The following LSAMP variants were observed in gnomAD, a reference collection of about 807,000 sequenced individuals.
LSAMP encodes the protein limbic system associated membrane protein, also known as limbic system-associated membrane protein.
In LSAMP, 7 loss-of-function variants were observed where a neutral mutation model predicts 38.6. That is an observed-to-expected ratio of 0.18 (90% CI 0.10 to 0.34). The LOEUF is 0.34. Ranked by LOEUF, LSAMP falls within the 10% of genes least tolerant of loss-of-function variation. LSAMP has a pLI of 1.00. For synonymous variants in LSAMP, 154 were observed against 166.8 expected (o/e 0.92, Z 0.59); for missense variants, 313 against 420.0 (o/e 0.75, Z 2.23).
chr3:116,435,419 T>C (rs2049336553), intron 1 of LSAMP, among the ~76,000 whole-genome samples: 1 of 152,132 alleles, frequency 6.6e-6, no homozygotes, highest in African/African-American at 2.4e-5. Flanking sequence ...TGCCTCCCTA[T>C]GGGACTACCT....
intron 2 of LSAMP, among the ~76,000 whole-genome samples, chr3:116,022,472 A>G (rs1164995975): frequency 6.6e-6 from 1 of 152,130 alleles, no homozygotes; most frequent in African/African-American, 2.4e-5. Context: ...CTCACCAATT[A>G]TCATATTGTT....
At chr3:116,202,980 G>C (rs533744721) in intron 1 of LSAMP, among the ~76,000 whole-genome samples, 3 of 152,218 alleles carry the variant, frequency 2.0e-5, no homozygotes, top group Non-Finnish European at 4.4e-5. Flanking sequence ...TGATTTTTGT[G>C]TATTGATTTT....
intron 1 of LSAMP, among the ~76,000 whole-genome samples, chr3:116,113,448 T>C (rs13085601): frequency 1.2e-3 from 131 of 111,978 alleles, no homozygotes; most frequent in Non-Finnish European, 1.9e-3. Context: ...TTTTTTGAGA[T>C]GGAGTCTCGC....
chr3:116,323,079 C>A (rs1202473986), intron 1 of LSAMP, among the ~76,000 whole-genome samples: 1 of 152,090 alleles, frequency 6.6e-6, no homozygotes, highest in Non-Finnish European at 1.5e-5. Context: ...AAGACTAGAG[C>A]TCCATTATAA....
At chr3:116,390,293 C>A (rs1466429555) in intron 1 of LSAMP, among the ~76,000 whole-genome samples, 1 of 152,176 alleles carries the variant, frequency 6.6e-6, no homozygotes, top group Non-Finnish European at 1.5e-5. Context: ...ATATGTTTCA[C>A]TTTGGAGACT....
intron 2 of LSAMP, among the ~76,000 whole-genome samples, chr3:116,027,508 G>T (rs1940821352): frequency 6.6e-6 from 1 of 152,064 alleles, no homozygotes. Flanking sequence ...AATTTCTATT[G>T]CTTAAATCAA....
intron 3 of LSAMP, among the ~76,000 whole-genome samples, chr3:115,871,321 G>A (rs1936025782): frequency 6.6e-6 from 1 of 151,864 alleles, no homozygotes; most frequent in Non-Finnish European, 1.5e-5. Context: ...CAAGACTCAA[G>A]ACTAAGTTTA....
intron 3 of LSAMP, among the ~76,000 whole-genome samples, chr3:115,859,775 A>AT (rs1553741545): frequency 4.3e-4 from 66 of 152,358 alleles, no homozygotes; most frequent in African/African-American, 1.4e-3. Context: ...GCTTTCACAT[A>AT]TAAAAAATAA....
chr3:116,037,963 T>C (rs1208791232), intron 2 of LSAMP, among the ~76,000 whole-genome samples: 1 of 152,130 alleles, frequency 6.6e-6, no homozygotes, highest in Non-Finnish European at 1.5e-5. Context: ...TAATGCTTCC[T>C]TATATGGATG....
intron 1 of LSAMP, among the ~76,000 whole-genome samples, chr3:116,160,557 T>G (rs1447974354): frequency 6.6e-6 from 1 of 152,018 alleles, no homozygotes; most frequent in Non-Finnish European, 1.5e-5. Context: ...AGACTGCCTA[T>G]TGGATACTAT....
At chr3:116,385,412 T>G (rs2048612956) in intron 1 of LSAMP, among the ~76,000 whole-genome samples, 1 of 152,164 alleles carries the variant, frequency 6.6e-6, no homozygotes, top group East Asian at 1.9e-4. Context: ...ATGCAAGGAT[T>G]TATTTTTTAT....
intron 1 of LSAMP, among the ~76,000 whole-genome samples, chr3:116,350,245 C>T (rs1245744465): frequency 6.6e-6 from 1 of 151,904 alleles, no homozygotes; most frequent in Non-Finnish European, 1.5e-5. Context: ...ATTCTTTCAC[C>T]ATTTAAGTAT....
intron 1 of LSAMP, among the ~76,000 whole-genome samples, chr3:116,382,648 A>G (rs987143275): frequency 6.6e-6 from 1 of 152,260 alleles, no homozygotes; most frequent in East Asian, 1.9e-4. Flanking sequence ...AACTTAAAGT[A>G]TAATAAAAAA....
intron 1 of LSAMP, among the ~76,000 whole-genome samples, chr3:116,153,522 A>G (rs1351693407): frequency 6.6e-6 from 1 of 152,140 alleles, no homozygotes; most frequent in African/African-American, 2.4e-5. Context: ...AAATAGTTTC[A>G]GGGCTGGAAA....
At chr3:116,296,302 A>G (rs2047332009) in intron 1 of LSAMP, among the ~76,000 whole-genome samples, 1 of 152,104 alleles carries the variant, frequency 6.6e-6, no homozygotes. Flanking sequence ...ACTGAAAGGG[A>G]TTTGGTTAAG....
At chr3:116,070,427 A>C (rs1201278473) in intron 2 of LSAMP, among the ~76,000 whole-genome samples, 1 of 152,232 alleles carries the variant, frequency 6.6e-6, no homozygotes, top group African/African-American at 2.4e-5. Context: ...AGAAGAGATC[A>C]AAACAAGATA....
At chr3:116,306,803 C>T (rs1205383873) in intron 1 of LSAMP, among the ~76,000 whole-genome samples, 1 of 151,930 alleles carries the variant, frequency 6.6e-6, no homozygotes, top group African/African-American at 2.4e-5. Context: ...TATGTCCCAG[C>T]AATAAAGGGG....
intron 1 of LSAMP, among the ~76,000 whole-genome samples, chr3:116,383,131 A>G (rs987656134): frequency 1.3e-5 from 2 of 152,176 alleles, no homozygotes; most frequent in Non-Finnish European, 2.9e-5. Context: ...TGAAGAGATT[A>G]TAAATGAGAA....
intron 3 of LSAMP, among the ~76,000 whole-genome samples, chr3:115,995,636 C>T (rs1293392536): frequency 6.6e-6 from 1 of 151,980 alleles, no homozygotes; most frequent in Non-Finnish European, 1.5e-5. Context: ...CAATGTTTCA[C>T]TAGACTTAAG....
Sources: gnomAD v4.1 joint callset for allele counts (sites outside exome capture counted in the v4.1 genomes callset) on GRCh38, gnomAD v4.1.1 for gene constraint, MANE v1.5 for transcripts, NCBI Gene and HGNC (gene_info 2026-07-23, HGNC 2026-07-21) for gene names.